Variants in FRK observed in about 807,000 individuals in gnomAD.
FRK encodes the protein tyrosine-protein kinase FRK.
In FRK, 51 loss-of-function variants were observed where a neutral mutation model predicts 56.4. That is an observed-to-expected ratio of 0.90 (90% CI 0.72 to 1.14). The LOEUF (loss-of-function observed/expected upper bound fraction) is 1.14. FRK is among the 50% of genes most tolerant of loss of function. The probability of loss-of-function intolerance (pLI) is 0.00; values close to 1 mark genes in which losing one functional copy is unlikely to be tolerated. For synonymous variants in FRK, 245 were observed against 217.9 expected, an observed-to-expected ratio of 1.12 and a Z score of -1.10; for missense variants, 570 against 601.4, an observed-to-expected ratio of 0.95 and a Z score of 0.55.
In FRK at chr6:115,941,600, CT is replaced by C. The variant is rs770051709; in HGVS notation, c.*813del. On this transcript the variant is annotated 3_prime_UTR_variant, in exon 8 of 8. Coordinates refer to ENST00000606080, the MANE Select transcript of FRK (RefSeq NM_002031.3). ...TCTAGGCCACAGCAATCCTACTGTTCTCCTCTCATTTTCCTAAACTATTTTG... is the reference window on the plus strand; with the variant it reads ...TCTAGGCCACAGCAATCCTACTGTTCCCTCTCATTTTCCTAAACTATTTTG... 1.3e-5 allele frequency: 2 copies of C among 152,106 alleles called. No individual in the cohort carries two copies. Among genetic ancestry groups the C allele is most frequent in the African/African-American group, 2.4e-5 (1 of 41,418 alleles). 9.4% of individuals were successfully genotyped at this position (152,106 alleles called of 1,614,324 possible).
chr6:115,980,858 C>A (rs1774172502), intron 2 of FRK, among the ~76,000 whole-genome samples: 1 of 152,018 alleles, frequency 6.6e-6, no homozygotes, highest in African/African-American at 2.4e-5. Flanking sequence ...GCCTTACCTG[C>A]CAGAGAACCC....
At chr6:116,023,135 CA>C (rs1375348597) in intron 1 of FRK, among the ~76,000 whole-genome samples, 1 of 152,016 alleles carries the variant, frequency 6.6e-6, no homozygotes, top group Non-Finnish European at 1.5e-5. Flanking sequence ...GAATAGCTAA[CA>C]AAAAAACTAA....
intron 5 of FRK, among the ~76,000 whole-genome samples, chr6:115,944,666 C>T (rs1033326176): frequency 6.6e-5 from 10 of 152,084 alleles, no homozygotes; most frequent in South Asian, 2.1e-4. Context: ...ATGATCCAAA[C>T]GTGGCTGCAA....
At chr6:115,983,838 T>C (rs988343510) in intron 2 of FRK, among the ~76,000 whole-genome samples, 3 of 152,146 alleles carry the variant, frequency 2.0e-5, no homozygotes, top group Non-Finnish European at 4.4e-5. Flanking sequence ...CTTTCTAAAA[T>C]GCAAATCTGA....
At chr6:116,064,008 A>G (rs1410525929), upstream of FRK, among the ~76,000 whole-genome samples, 1 of 152,192 alleles carries the variant, frequency 6.6e-6, no homozygotes, top group Non-Finnish European at 1.5e-5. Context: ...ATCTGATATT[A>G]TTCTTCTATG....
At chr6:116,084,625 G>A in the FRK span, among the ~76,000 whole-genome samples, 1 of 152,150 alleles carries the variant, frequency 6.6e-6, no homozygotes, top group Non-Finnish European at 1.5e-5. Flanking sequence ...CAGGCAAGAT[G>A]TCACTTTCCA....
upstream of FRK, among the ~76,000 whole-genome samples, chr6:116,061,972 AAAG>A (rs1339785078): frequency 6.6e-6 from 1 of 151,948 alleles, no homozygotes; most frequent in East Asian, 1.9e-4. Context: ...AGAAGAAAGA[AAAG>A]AAAGAAAAAG....
chr6:116,009,507 C>CA (rs1775385108), intron 1 of FRK, among the ~76,000 whole-genome samples: 1 of 151,990 alleles, frequency 6.6e-6, no homozygotes, highest in African/African-American at 2.4e-5. Flanking sequence ...CACTTACATG[C>CA]AAAAAAGTAT....
chr6:116,023,962 A>AG (rs35936182), intron 1 of FRK, among the ~76,000 whole-genome samples: 58,663 of 151,294 alleles, frequency 0.39, 11,776 homozygotes, highest in Middle Eastern at 0.5. Flanking sequence ...GAAAATAACT[A>AG]GTTGGCTTTT....
intron 2 of FRK, among the ~76,000 whole-genome samples, chr6:115,983,704 G>A (rs9488820): frequency 0.02 from 3,004 of 152,082 alleles, 103 homozygotes; most frequent in African/African-American, 0.068. Context: ...GGCATTATAC[G>A]CTATCAATTT....
chr6:115,950,700 C>G (rs1772709082), intron 5 of FRK, among the ~76,000 whole-genome samples: 1 of 152,200 alleles, frequency 6.6e-6, no homozygotes, highest in South Asian at 2.1e-4. Flanking sequence ...AATCATTCTA[C>G]TATAAAGACA....
At chr6:116,093,048 C>T in the FRK span, among the ~76,000 whole-genome samples, 7 of 152,150 alleles carry the variant, frequency 4.6e-5, no homozygotes, top group East Asian at 3.9e-4. Flanking sequence ...GGAAGGCAAA[C>T]GGAGTGAAAT....
chr6:116,049,751 TATGGTAAGTGACATA>T (rs1777117848), intron 1 of FRK, among the ~76,000 whole-genome samples: 1 of 152,224 alleles, frequency 6.6e-6, no homozygotes. Context: ...AAGTTATTTG[TATGGTAAGTGACATA>T]ATGGTATGCT....
At chr6:116,045,932 A>T (rs1776936692) in intron 1 of FRK, among the ~76,000 whole-genome samples, 1 of 152,198 alleles carries the variant, frequency 6.6e-6, no homozygotes, top group African/African-American at 2.4e-5. Context: ...CAAGGAACTT[A>T]AACAAATTTA....
chr6:116,018,435 C>T (rs999215694), intron 1 of FRK, among the ~76,000 whole-genome samples: 7 of 152,288 alleles, frequency 4.6e-5, no homozygotes, highest in African/African-American at 1.7e-4. Flanking sequence ...TGCATCCTCT[C>T]GCTGTCCAGA....
chr6:116,019,802 C>T (rs1775796117), intron 1 of FRK, among the ~76,000 whole-genome samples: 2 of 152,178 alleles, frequency 1.3e-5, no homozygotes, highest in African/African-American at 4.8e-5. Flanking sequence ...TACCACTCTA[C>T]AGAGTGGGTC....
At chr6:115,988,929 T>G (rs1212607197) in intron 2 of FRK, among the ~76,000 whole-genome samples, 1 of 151,970 alleles carries the variant, frequency 6.6e-6, no homozygotes, top group African/African-American at 2.4e-5. Context: ...CTGGATGCCC[T>G]CTTTCTGACT....
intron 3 of FRK, 119 bp from the exon 4 acceptor site, chr6:115,967,838 A>C: frequency 2.6e-6 from 2 of 769,672 alleles, no homozygotes; most frequent in Non-Finnish European, 4.0e-6. Flanking sequence ...AAATATTGTA[A>C]ACTGTATTAT....
intron 2 of FRK, among the ~76,000 whole-genome samples, chr6:115,980,941 T>C (rs1210675677): frequency 2.0e-5 from 3 of 152,170 alleles, no homozygotes; most frequent in Admixed American, 2.0e-4. Flanking sequence ...ATCTCTGTTC[T>C]TTTTCATTGA....
Sources: allele counts gnomAD v4.1 joint callset (sites outside exome capture counted in the v4.1 genomes callset), GRCh38; gene constraint gnomAD v4.1.1; transcripts MANE v1.5; gene names NCBI Gene and HGNC (gene_info 2026-07-23, HGNC 2026-07-21).